Variants in LRFN5 observed in about 807,000 individuals in gnomAD.
LRFN5 encodes leucine rich repeat and fibronectin type III domain containing 5, also known as leucine-rich repeat and fibronectin type-III domain-containing protein 5.
LRFN5 carries 24 observed loss-of-function variants against 45.6 expected under a neutral mutation model. That is an observed-to-expected ratio of 0.53 (90% CI 0.38 to 0.74). The LOEUF is 0.74. Among genes scored for constraint, LRFN5 ranks in the 30% least tolerant of loss-of-function variants. The pLI, the probability that LRFN5 is intolerant of heterozygous loss-of-function variation, is 0.00. For synonymous variants in LRFN5, 340 were observed against 313.8 expected (o/e 1.08, Z -0.88); for missense variants, 776 against 861.5 (o/e 0.90, Z 1.24).
chr14:41,741,497 A>G (rs1594664921), intron 1 of LRFN5, among the ~76,000 whole-genome samples: 2 of 151,944 alleles, frequency 1.3e-5, no homozygotes, highest in East Asian at 3.9e-4. Context: ...ATCCACATTC[A>G]GAAGCATGAA....
chr14:41,737,546 A>T (rs767385733), intron 1 of LRFN5, among the ~76,000 whole-genome samples: 4 of 152,136 alleles, frequency 2.6e-5, no homozygotes. Context: ...CAAATAGGAG[A>T]GAGGAAATCA....
intron 1 of LRFN5, among the ~76,000 whole-genome samples, chr14:41,687,738 C>T (rs561510616): frequency 3.3e-5 from 5 of 152,194 alleles, no homozygotes; most frequent in Admixed American, 2.0e-4. Flanking sequence ...AACAAAGGAA[C>T]AGAAAACCTA....
At chr14:41,744,364 A>G (rs1470468530) in intron 1 of LRFN5, among the ~76,000 whole-genome samples, 1 of 152,168 alleles carries the variant, frequency 6.6e-6, no homozygotes, top group Admixed American at 6.6e-5. Flanking sequence ...TCTCAAATAA[A>G]TGAAAAAATA....
chr14:41,746,776 A>G (rs1199820131), intron 1 of LRFN5, among the ~76,000 whole-genome samples: 1 of 152,060 alleles, frequency 6.6e-6, no homozygotes, highest in Non-Finnish European at 1.5e-5. Context: ...CTGATCTCAG[A>G]TGATATGATC....
intron 2 of LRFN5, among the ~76,000 whole-genome samples, chr14:41,880,397 A>G (rs892084156): frequency 1.1e-4 from 17 of 151,902 alleles, no homozygotes; most frequent in Admixed American, 6.6e-4. Context: ...ACTGATTTTA[A>G]ACCATGTTTT....
intron 1 of LRFN5, among the ~76,000 whole-genome samples, chr14:41,673,564 G>C (rs1881366611): frequency 1.3e-5 from 2 of 148,664 alleles, no homozygotes; most frequent in African/African-American, 5.0e-5. Flanking sequence ...CGGCTGGCCG[G>C]GCAGGGGGTG....
At chr14:41,857,837 A>G (rs1354629714) in intron 2 of LRFN5, among the ~76,000 whole-genome samples, 1 of 152,216 alleles carries the variant, frequency 6.6e-6, no homozygotes, top group Non-Finnish European at 1.5e-5. Flanking sequence ...AGACATGAGA[A>G]CATTTATGCT....
chr14:41,780,167 G>A (rs1247782432), intron 2 of LRFN5, among the ~76,000 whole-genome samples: 1 of 151,708 alleles, frequency 6.6e-6, no homozygotes, highest in African/African-American at 2.4e-5. Context: ...AAGTTTTCTT[G>A]AGCCTTTGAC....
chr14:41,735,074 T>G (rs1884366475), intron 1 of LRFN5, among the ~76,000 whole-genome samples: 2 of 152,282 alleles, frequency 1.3e-5, no homozygotes, highest in Admixed American at 1.3e-4. Flanking sequence ...CTCAACATCA[T>G]TACAGCATAA....
intron 2 of LRFN5, among the ~76,000 whole-genome samples, chr14:41,880,430 T>C (rs1311021257): frequency 6.6e-6 from 1 of 152,114 alleles, no homozygotes; most frequent in Non-Finnish European, 1.5e-5. Flanking sequence ...ATATTTAGTC[T>C]GAATCACCAT....
At chr14:41,689,321 T>G (rs1882263268) in intron 1 of LRFN5, among the ~76,000 whole-genome samples, 1 of 152,082 alleles carries the variant, frequency 6.6e-6, no homozygotes. Flanking sequence ...AAAATTTGGT[T>G]CTTCGAAAAG....
chr14:41,898,955 A>G lies in LRFN5; in HGVS notation c.2137A>G (p.Thr713Ala). Residue 713 changes from threonine to alanine, a missense_variant, in exon 5 of 6, where the codon ACA becomes GCA. Transcript: ENST00000298119. ...TAATGTTGACCAGATTGTCCAGGAA[A>G]CACAGGTGAGATTCTTATTACCTAT... is the stretch of plus-strand genomic sequence containing the variant. ...LTNVDQIVQE[T>A]QRLELI is the part of the protein sequence containing the mutation. The G allele has an allele frequency of 6.2e-7, 1 of 1,610,930 alleles. No individual in the cohort carries two copies. The highest frequency in any genetic ancestry group is 1.7e-5 in the Admixed American group (1 of 59,612).
rs1890770689 is a variant in LRFN5, at chr14:41,891,301, A to C, written c.1437A>C (p.Gly479=). ...KTFLVNNLAA[G]TMYDLCVLAI... ...TTCTGGTCAATAATCTGGCTGCTGG[A>C]ACTATGTATGACTTGTGTGTCTTGG... is the stretch of plus-strand genomic sequence containing the variant. The change falls in exon 4 of 6, where the codon GGA becomes GGC. Residue 479 remains glycine (G), a synonymous_variant. Coordinates refer to ENST00000298119, the MANE Select transcript of LRFN5 (RefSeq NM_152447.5). 1 of 1,613,960 alleles carries C rather than the reference A, an allele frequency of 6.2e-7. No homozygotes were observed. The highest frequency in any genetic ancestry group is 1.1e-5 in the South Asian group (1 of 91,078).
At chr14:41,837,444 T>G (rs1052061689) in intron 2 of LRFN5, among the ~76,000 whole-genome samples, 1 of 152,160 alleles carries the variant, frequency 6.6e-6, no homozygotes, top group Non-Finnish European at 1.5e-5. Flanking sequence ...TGTCCTGAGA[T>G]GGTGCATGGA....
intron 1 of LRFN5, among the ~76,000 whole-genome samples, chr14:41,668,450 CT>C (rs985111172): frequency 1.3e-3 from 198 of 151,606 alleles, no homozygotes; most frequent in Admixed American, 4.2e-3. Flanking sequence ...TCTATGCATT[CT>C]TTTTTTTTCT....
chr14:41,740,650 G>A (rs528537523), intron 1 of LRFN5, among the ~76,000 whole-genome samples: 2 of 151,930 alleles, frequency 1.3e-5, no homozygotes, highest in African/African-American at 4.8e-5. Context: ...AAATAGAAAA[G>A]GATGCTCACT....
rs115461445 is a variant in LRFN5, at chr14:41,878,201, C to T, written c.-20-8405C>T. 4.4e-3 allele frequency among the ~76,000 whole-genome samples: 672 copies of T among 152,194 alleles called. 4 individuals carry two copies. The highest frequency in any genetic ancestry group is 0.016 in the African/African-American group (646 of 41,514). On this transcript the variant is annotated intron_variant, in intron 2 of 5. Transcript: ENST00000298119. Reference sequence around the variant, plus strand: ...ATATTATAAAATATCCTTCACAATACTGTAGCCGTTTAACACATCCTGCAA... The same window carrying T: ...ATATTATAAAATATCCTTCACAATATTGTAGCCGTTTAACACATCCTGCAA...
At chr14:41,670,256 GATATATATAT>G (rs1165968461) in intron 1 of LRFN5, among the ~76,000 whole-genome samples, 874 of 45,678 alleles carry the variant, frequency 0.019, 30 homozygotes, top group Middle Eastern at 0.079. Context: ...CATACACACA[GATATATATAT>G]ATATATATAT....
chr14:41,831,598 A>G (rs765664422), intron 2 of LRFN5, among the ~76,000 whole-genome samples: 1 of 152,174 alleles, frequency 6.6e-6, no homozygotes, highest in Non-Finnish European at 1.5e-5. Context: ...AGTAAAAAGG[A>G]CTGTTACCTT....
Sources: allele counts gnomAD v4.1 joint callset (sites outside exome capture counted in the v4.1 genomes callset), GRCh38; gene constraint gnomAD v4.1.1; transcripts MANE v1.5; gene names NCBI Gene and HGNC (gene_info 2026-07-23, HGNC 2026-07-21).